Variants in GRIK4 observed in about 807,000 individuals in gnomAD.
GRIK4 encodes glutamate receptor ionotropic, kainate 4.
In GRIK4, 40 loss-of-function variants were observed where a neutral mutation model predicts 104.9. The ratio of observed to expected loss-of-function variants is 0.38; its 90% CI spans 0.30 to 0.50. The LOEUF is 0.50. Among genes scored for constraint, GRIK4 ranks in the 20% least tolerant of loss-of-function variants. The probability of loss-of-function intolerance (pLI) is 0.93; values close to 1 mark genes in which losing one functional copy is unlikely to be tolerated. For synonymous variants in GRIK4, 485 were observed against 524.9 expected (o/e 0.92, Z 1.04); for missense variants, 1,047 against 1,308.1 (o/e 0.80, Z 3.08).
At position 120,812,477 on chromosome 11, in the gene GRIK4, A is replaced by G. The variant is rs144740928; in HGVS notation, c.248-2901A>G. ...TCCAACCAGATTGTGAAAAATATAT[A>G]ACAAATCTGATATGGTGGGGATAAT... is the stretch of plus-strand genomic sequence containing the variant. On this transcript the variant is annotated intron_variant, in intron 4 of 20. Coordinates refer to ENST00000527524, the MANE Select transcript of GRIK4 (RefSeq NM_014619.5). Among the ~76,000 whole-genome samples, 26 of 152,368 alleles carry G rather than the reference A, an allele frequency of 1.7e-4. No individual in the cohort carries two copies. The East Asian group carries it at 4.6e-3, about 27-fold the overall frequency.
rs1950814262 is a variant in GRIK4 at position 120,715,513 on chromosome 11, A to G, written c.82+55113A>G. ...GGCCTAAAGTGTGTTCCACCCCTCC[A>G]TGTTCCTTTCCTTTTCTTTCCTGTT... is the stretch of plus-strand genomic sequence containing the variant. On this transcript the variant is annotated intron_variant, in intron 3 of 20. Transcript: ENST00000527524. Among the ~76,000 whole-genome samples, 4 of 152,032 alleles carry G rather than the reference A, an allele frequency of 2.6e-5. No homozygotes were observed. The South Asian group carries it at 8.3e-4, about 32-fold the overall frequency.
At chr11:120,538,618 C>G (rs1361944636) in intron 1 of GRIK4, among the ~76,000 whole-genome samples, 1 of 152,196 alleles carries the variant, frequency 6.6e-6, no homozygotes, top group Non-Finnish European at 1.5e-5. Context: ...GCCTCGGGTC[C>G]CTTCTCTGCC....
At chr11:120,744,299 G>C (rs140746993) in intron 3 of GRIK4, among the ~76,000 whole-genome samples, 208 of 152,212 alleles carry the variant, frequency 1.4e-3, no homozygotes, top group Admixed American at 2.6e-3. Flanking sequence ...TGGGGCTCAG[G>C]CTTCTTTTTT....
chr11:120,792,715 A>T (rs1351910639), intron 3 of GRIK4, among the ~76,000 whole-genome samples: 1 of 152,118 alleles, frequency 6.6e-6, no homozygotes, highest in African/African-American at 2.4e-5. Context: ...TATTAACTAA[A>T]CGTAGGAATG....
intron 16 of GRIK4, among the ~76,000 whole-genome samples, chr11:120,960,356 T>G (rs1448238514): frequency 6.6e-6 from 1 of 152,176 alleles, no homozygotes; most frequent in Non-Finnish European, 1.5e-5. Context: ...TATCACTGTG[T>G]TACTTGGCAG....
chr11:120,755,466 T>C (rs1199886820), intron 3 of GRIK4, among the ~76,000 whole-genome samples: 1 of 151,760 alleles, frequency 6.6e-6, no homozygotes, highest in Non-Finnish European at 1.5e-5. Flanking sequence ...AAAAATAAAA[T>C]AGCCAGTCAT....
At chr11:120,567,309 G>A (rs1591700123) in intron 1 of GRIK4, among the ~76,000 whole-genome samples, 1 of 152,152 alleles carries the variant, frequency 6.6e-6, no homozygotes, top group East Asian at 1.9e-4. Flanking sequence ...GCAGGGGTGT[G>A]CCACTACGCC....
chr11:120,838,893 TC>T (rs1953648959), intron 8 of GRIK4, among the ~76,000 whole-genome samples: 1 of 152,158 alleles, frequency 6.6e-6, no homozygotes, highest in Non-Finnish European at 1.5e-5. Flanking sequence ...TTCAAGCCAT[TC>T]TCCTGCCTCC....
rs11826401 is a variant in GRIK4, at chr11:120,751,728, G to A, written c.83-50965G>A. ...TCTAGACCTTCTGTGCTGACTTGAC[G>A]TCAGCAGCATCTTCGGTGAAGGGCC... On this transcript the variant is annotated intron_variant, in intron 3 of 20. Transcript: ENST00000527524. Among the ~76,000 whole-genome samples, 925 of 152,320 alleles carry A rather than the reference G, an allele frequency of 6.1e-3. 15 individuals are homozygous for A. The highest frequency in any genetic ancestry group is 0.021 in the African/African-American group (879 of 41,568).
At chr11:120,532,929 T>G (rs115860089) in intron 1 of GRIK4, among the ~76,000 whole-genome samples, 1,714 of 152,282 alleles carry the variant, frequency 0.011, 27 homozygotes, top group African/African-American at 0.039. Context: ...CATCCGTCTA[T>G]TCACCAGGCC....
At chr11:120,695,141 G>A (rs1304538265) in intron 3 of GRIK4, among the ~76,000 whole-genome samples, 1 of 152,198 alleles carries the variant, frequency 6.6e-6, no homozygotes, top group Admixed American at 6.5e-5. Flanking sequence ...TCCTGCTGGA[G>A]GTCAGGGAGC....
At chr11:120,626,918 C>G (rs1949267467) in intron 1 of GRIK4, among the ~76,000 whole-genome samples, 1 of 152,190 alleles carries the variant, frequency 6.6e-6, no homozygotes, top group African/African-American at 2.4e-5. Flanking sequence ...TGACAGAAAG[C>G]CAGCCCTAGT....
chr11:120,753,580 A>G (rs1337270118), intron 3 of GRIK4, among the ~76,000 whole-genome samples: 2 of 152,076 alleles, frequency 1.3e-5, no homozygotes, highest in Non-Finnish European at 2.9e-5. Flanking sequence ...GAGACTACAT[A>G]CCCTATTTTC....
chr11:120,936,228 C>A, intron 13 of GRIK4: 2 of 434,862 alleles, frequency 4.6e-6, no homozygotes, highest in South Asian at 3.6e-5. Flanking sequence ...GCCCTCTTTT[C>A]ATATGGCCGC....
At chr11:120,760,260 G>T (rs1050812962) in intron 3 of GRIK4, among the ~76,000 whole-genome samples, 1 of 151,044 alleles carries the variant, frequency 6.6e-6, no homozygotes, top group Admixed American at 6.6e-5. Context: ...TCTCTGTCTA[G>T]CTTATTCACT....
chr11:120,566,047 G>A (rs762317573), intron 1 of GRIK4, among the ~76,000 whole-genome samples: 6 of 152,208 alleles, frequency 3.9e-5, no homozygotes, highest in Non-Finnish European at 8.8e-5. Flanking sequence ...CAGGCCCACA[G>A]AGGTTAAGTT....
At chr11:120,873,270 T>C (rs2135675506) in intron 9 of GRIK4, 1 of 152,690 alleles carries the variant, frequency 6.5e-6, no homozygotes. Flanking sequence ...TTCCTGCAGT[T>C]CCACGCTCTG....
chr11:120,731,553 T>C (rs1411660053), intron 3 of GRIK4, among the ~76,000 whole-genome samples: 1 of 152,188 alleles, frequency 6.6e-6, no homozygotes, highest in Admixed American at 6.5e-5. Context: ...TTTGTCTGGT[T>C]TTGTTCTCAG....
In GRIK4 at chr11:120,988,743, T is replaced by A. The variant is rs1216251095; in HGVS notation, c.*2483T>A. The stretch of plus-strand genomic sequence containing the variant: ...TCTGTATACTGTATAAAGCAGTTTT[T>A]TCTTGTCTGTTTATCTTTCTTCAAC... On this transcript the variant is annotated 3_prime_UTR_variant, in exon 21 of 21. Transcript: ENST00000527524. 4.6e-5 allele frequency: 7 copies of A among 152,246 alleles called. No homozygotes were observed. The highest frequency in any genetic ancestry group is 1.5e-5 in the Non-Finnish European group (1 of 68,038). The allele number at this position is 152,246 out of a possible 1,614,324, so 9.4% of individuals were successfully genotyped here. A position where few individuals can be genotyped will look rare whatever the true frequency, so the allele number is the denominator to read the frequency against.
Sources: gnomAD v4.1 joint callset for allele counts (sites outside exome capture counted in the v4.1 genomes callset) on GRCh38, gnomAD v4.1.1 for gene constraint, MANE v1.5 for transcripts, NCBI Gene and HGNC (gene_info 2026-07-23, HGNC 2026-07-21) for gene names.